The following ARHGAP40 variants were observed in gnomAD, a reference collection of about 807,000 sequenced individuals.
ARHGAP40 encodes Rho GTPase activating protein 40.
ARHGAP40 carries 43 observed loss-of-function variants against 73.5 expected under a neutral mutation model. The observed-to-expected ratio is 0.58, with a 90% CI of 0.46 to 0.75. The LOEUF (loss-of-function observed/expected upper bound fraction) is 0.75, where lower values mean the gene tolerates loss of function less well. ARHGAP40 is among the 30% of genes least tolerant of loss of function. ARHGAP40 has a pLI of 0.00. For missense variants in ARHGAP40, 734 were observed against 861.8 expected (o/e 0.85, Z 1.86); for synonymous variants, 300 against 352.8 (o/e 0.85, Z 1.68).
chr20:38,614,566 C>G (rs1239275210), intron 1 of ARHGAP40, among the ~76,000 whole-genome samples: 1 of 152,210 alleles, frequency 6.6e-6, no homozygotes, highest in Non-Finnish European at 1.5e-5. Context: ...TCTACACCTA[C>G]CAGTCACTGA....
intron 1 of ARHGAP40, among the ~76,000 whole-genome samples, chr20:38,616,624 G>T (rs1423106914): frequency 6.6e-6 from 1 of 152,238 alleles, no homozygotes; most frequent in Admixed American, 6.5e-5. Context: ...TTACTAGTCA[G>T]GTAACCTTGC....
intron 5 of ARHGAP40, among the ~76,000 whole-genome samples, chr20:38,630,535 A>G (rs1194530384): frequency 1.3e-5 from 2 of 151,962 alleles, no homozygotes; most frequent in Non-Finnish European, 2.9e-5. Flanking sequence ...TTTTTTCCCA[A>G]AATATTCAGT....
At chr20:38,614,908 T>C in intron 1 of ARHGAP40, 1 of 1,358,134 alleles carries the variant, frequency 7.4e-7, no homozygotes, top group Non-Finnish European at 1.1e-6. Context: ...GCACCAGGCC[T>C]TTCTCTAGAA....
intron 1 of ARHGAP40, among the ~76,000 whole-genome samples, chr20:38,619,294 G>C (rs901445501): frequency 6.6e-6 from 1 of 152,138 alleles, no homozygotes; most frequent in African/African-American, 2.4e-5. Flanking sequence ...AGTATTGTGA[G>C]CTTGGAAGAT....
At chr20:38,618,895 C>T (rs1271939142) in intron 1 of ARHGAP40, among the ~76,000 whole-genome samples, 1 of 152,164 alleles carries the variant, frequency 6.6e-6, no homozygotes, top group Non-Finnish European at 1.5e-5. Flanking sequence ...GGGGAGGAGA[C>T]ATAGGCCCCA....
exon 14 of ARHGAP40, chr20:38,648,693 A>G (rs773977272): frequency 3.8e-6 from 5 of 1,305,652 alleles, no homozygotes; most frequent in Middle Eastern, 2.1e-4. Flanking sequence ...GTTGGAGGGA[A>G]TATCAGTAAG....
At chr20:38,638,892 T>A (rs752440633) in intron 8 of ARHGAP40, 54 bp downstream of exon 8, 15 of 1,279,830 alleles carry the variant, frequency 1.2e-5, no homozygotes, top group Non-Finnish European at 1.6e-5. Context: ...CATGCTCACA[T>A]GTGTGTTAAG....
At chr20:38,632,419 G>C (rs1044000455) in intron 5 of ARHGAP40, among the ~76,000 whole-genome samples, 5 of 151,680 alleles carry the variant, frequency 3.3e-5, no homozygotes. Flanking sequence ...CCGCCACCAT[G>C]CCTGGCTAAT....
intron 5 of ARHGAP40, among the ~76,000 whole-genome samples, chr20:38,630,023 C>G (rs2145606048): frequency 6.6e-6 from 1 of 151,924 alleles, no homozygotes; most frequent in African/African-American, 2.4e-5. Flanking sequence ...TTTCCTCCCT[C>G]TCTCCCTCCC....
intron 1 of ARHGAP40, among the ~76,000 whole-genome samples, chr20:38,612,693 AGAGAT>A (rs1417626357): frequency 1.3e-5 from 2 of 152,068 alleles, no homozygotes; most frequent in African/African-American, 4.8e-5. Context: ...AGAAAAGAAA[AGAGAT>A]AAGAAAAGAA....
intron 1 of ARHGAP40, among the ~76,000 whole-genome samples, chr20:38,608,117 T>C (rs2088782749): frequency 6.6e-6 from 1 of 152,258 alleles, no homozygotes; most frequent in African/African-American, 2.4e-5. Flanking sequence ...TCTTCTGTTA[T>C]GGCTTCTGGA....
intron 1 of ARHGAP40, among the ~76,000 whole-genome samples, chr20:38,611,653 C>CT (rs2088805768): frequency 6.6e-6 from 1 of 152,006 alleles, no homozygotes; most frequent in Admixed American, 6.6e-5. Flanking sequence ...TCTTGGCTCT[C>CT]TGCAAGCTCC....
At chr20:38,620,161 C>A (rs561441023) in intron 1 of ARHGAP40, among the ~76,000 whole-genome samples, 1 of 152,240 alleles carries the variant, frequency 6.6e-6, no homozygotes, top group African/African-American at 2.4e-5. Flanking sequence ...CTGGAGGCCA[C>A]GCTGTATACT....
intron 1 of ARHGAP40, among the ~76,000 whole-genome samples, chr20:38,603,748 G>T (rs1221682065): frequency 3.3e-5 from 5 of 152,164 alleles, no homozygotes; most frequent in African/African-American, 1.2e-4. Flanking sequence ...TCTGTCTGGG[G>T]GCTCTAGCAA....
At chr20:38,614,835 A>G in intron 1 of ARHGAP40, 1 of 789,184 alleles carries the variant, frequency 1.3e-6, no homozygotes, top group Non-Finnish European at 2.2e-6. Context: ...AAGTGTCTCT[A>G]GAGCTCCAGA....
exon 1 of ARHGAP40, chr20:38,602,059 C>T: frequency 7.8e-7 from 1 of 1,285,880 alleles, no homozygotes; most frequent in African/African-American, 1.5e-5. Context: ...GCGCCCAGCG[C>T]TGGGCCGACC....
chr20:38,645,550 T>G (rs541757402), intron 11 of ARHGAP40, among the ~76,000 whole-genome samples: 1 of 152,288 alleles, frequency 6.6e-6, no homozygotes, highest in African/African-American at 2.4e-5. Flanking sequence ...CGTCAGACCC[T>G]GGGAGACAGA....
At chr20:38,609,588 G>C (rs1173994904) in intron 1 of ARHGAP40, among the ~76,000 whole-genome samples, 1 of 152,256 alleles carries the variant, frequency 6.6e-6, no homozygotes, top group Non-Finnish European at 1.5e-5. Flanking sequence ...AGGGCGGTAA[G>C]TGCCAGGACA....
At chr20:38,627,652 T>G (rs1363919907) in intron 3 of ARHGAP40, among the ~76,000 whole-genome samples, 2 of 137,672 alleles carry the variant, frequency 1.5e-5, no homozygotes, top group African/African-American at 2.7e-5. Flanking sequence ...TGGGGTGTGT[T>G]GGTGTGTGTG....
Sources: allele counts gnomAD v4.1 joint callset (sites outside exome capture counted in the v4.1 genomes callset), GRCh38; gene constraint gnomAD v4.1.1; transcripts MANE v1.5; gene names NCBI Gene and HGNC (gene_info 2026-07-23, HGNC 2026-07-21).